The following PMPCB variants were observed in gnomAD, a reference collection of about 807,000 sequenced individuals.
PMPCB encodes peptidase, mitochondrial processing subunit beta.
PMPCB carries 46 observed loss-of-function variants against 61.5 expected under a neutral mutation model. The observed-to-expected ratio is 0.75, with a 90% CI of 0.59 to 0.96. The LOEUF (loss-of-function observed/expected upper bound fraction) is 0.96, where lower values mean the gene tolerates loss of function less well. Among genes scored for constraint, PMPCB ranks in the 40% least tolerant of loss-of-function variants. The pLI is 0.00. For missense variants in PMPCB, 590 were observed against 602.4 expected (o/e 0.98, Z 0.22); for synonymous variants, 191 against 201.6 (o/e 0.95, Z 0.44).
downstream of PMPCB, among the ~76,000 whole-genome samples, chr7:103,330,680 G>C (rs1225493339): frequency 6.6e-6 from 1 of 151,506 alleles, no homozygotes; most frequent in Non-Finnish European, 1.5e-5. Context: ...TCGAACTCCT[G>C]ACCTCGTGAT....
At chr7:103,298,080 C>G (rs1237722687) in intron 1 of PMPCB, 1 of 395,332 alleles carries the variant, frequency 2.5e-6, no homozygotes, top group African/African-American at 2.2e-5. Flanking sequence ...GGCCGAAAAG[C>G]CAGTCATTTG....
intron 10 of PMPCB, 38 bp downstream of exon 10, chr7:103,311,766 G>C (rs1817761120): frequency 1.9e-6 from 3 of 1,599,328 alleles, no homozygotes; most frequent in Non-Finnish European, 2.6e-6. Context: ...TCATATGGTT[G>C]ATCTGTATTC....
In PMPCB at chr7:103,311,719, C is replaced by T; in HGVS notation, c.1231C>T (p.Gln411Ter). The change falls in exon 10 of 13, where the codon CAG becomes TAG. Residue 411 changes from glutamine (Q) to a stop codon, truncating the protein, a stop_gained. Transcript: ENST00000249269. LOFTEE classifies it high-confidence loss of function. ...TCTTCTGAAAACAAACATGTTGTTG[C>T]AGCTTGATGGTAAAAATAAAGATAT... ...RNLLKTNMLL[Q>*]LDGSTPICED... 2 of 1,613,182 alleles carry T rather than the reference C, an allele frequency of 1.2e-6. No individual in the cohort carries two copies. Among genetic ancestry groups the T allele is most frequent in the South Asian group, 2.2e-5 (2 of 91,058 alleles).
At chr7:103,318,918 C>T (rs1285753083), downstream of PMPCB, among the ~76,000 whole-genome samples, 1 of 152,186 alleles carries the variant, frequency 6.6e-6, no homozygotes, top group Non-Finnish European at 1.5e-5. Flanking sequence ...CAGCACCTTA[C>T]TACATAAACA....
downstream of PMPCB, chr7:103,319,579 A>G (rs955926545): frequency 8.7e-6 from 14 of 1,605,908 alleles, no homozygotes; most frequent in Admixed American, 3.3e-5. Flanking sequence ...AATGCTACAT[A>G]TAGGTAGGAG....
At chr7:103,322,134 T>G in intron 12 of PMPCB, 1 of 1,320,358 alleles carries the variant, frequency 7.6e-7, no homozygotes. Context: ...AATTCCTAAA[T>G]GTTTTATAAT....
rs756110770 is a variant in PMPCB at position 103,307,658 on chromosome 7, C to T, written c.799C>T (p.His267Tyr). 2 of 1,613,654 alleles carry T rather than the reference C, an allele frequency of 1.2e-6. No homozygotes were observed. Among genetic ancestry groups the T allele is most frequent in the Non-Finnish European group, 1.7e-6 (2 of 1,179,568 alleles). Reference protein sequence around the residue: ...KFHFGDSLCTHKGEIPALPPC... With the variant: ...KFHFGDSLCTYKGEIPALPPC... ...TCATTTCGGTGACTCTTTATGCACA[C>T]ACAAAGGAGAAATACCAGCTCTGCC... Residue 267 changes from histidine (H) to tyrosine (Y), a missense_variant, in exon 7 of 13, where the codon CAC (histidine) becomes TAC (tyrosine). By Grantham distance (83) the His-to-Tyr change is moderately conservative. Coordinates refer to ENST00000249269, the MANE Select transcript of PMPCB (RefSeq NM_004279.3).
At chr7:103,333,083 A>G (rs1267645970), downstream of PMPCB, among the ~76,000 whole-genome samples, 1 of 151,046 alleles carries the variant, frequency 6.6e-6, no homozygotes, top group Non-Finnish European at 1.5e-5. Context: ...TCCAGTGAAC[A>G]TTTCCTTTGA....
chr7:103,308,292 T>A (rs1817641076), intron 7 of PMPCB, among the ~76,000 whole-genome samples: 1 of 152,196 alleles, frequency 6.6e-6, no homozygotes, highest in Admixed American at 6.5e-5. Context: ...AGTACAAAAA[T>A]AAACCTGTAA....
rs770460767 is a variant in PMPCB at position 103,312,059 on chromosome 7, G to A, written c.1333G>A (p.Val445Met). ...GACAGTGTCTTCCATATTTCAGGCT[G>A]TGAATGCTGAGACAATTCGAGAAGT... ...IPELEARIDAVNAETIREVCT... is the reference protein window; with the variant it reads ...IPELEARIDAMNAETIREVCT... The change falls in exon 12 of 13, where the codon GTG becomes ATG. Residue 445 changes from valine to methionine, a missense_variant. Coordinates refer to ENST00000249269, the MANE Select transcript of PMPCB (RefSeq NM_004279.3). 6 of 1,613,326 alleles carry A rather than the reference G, an allele frequency of 3.7e-6. No individual in the cohort carries two copies. In the South Asian group the frequency reaches 6.6e-5, roughly 18 times the overall value.
At chr7:103,343,317 A>C in the PMPCB span, among the ~76,000 whole-genome samples, 1 of 152,244 alleles carries the variant, frequency 6.6e-6, no homozygotes, top group African/African-American at 2.4e-5. Flanking sequence ...AACTGTCTTA[A>C]TTATTAAAAT....
downstream of PMPCB, chr7:103,317,420 T>C (rs1358548458): frequency 1.9e-5 from 3 of 161,664 alleles, no homozygotes; most frequent in Admixed American, 6.4e-5. Flanking sequence ...AATGGCCTCT[T>C]TTATTTTGAA....
At chr7:103,307,769 T>C in intron 7 of PMPCB, 61 bp downstream of exon 7, 5 of 887,760 alleles carry the variant, frequency 5.6e-6, no homozygotes, top group Non-Finnish European at 9.4e-6. Flanking sequence ...TATTTACACA[T>C]AAGTAAACAA....
Position 103,314,563 on chromosome 7 carries a change from T to G in PMPCB, c.*2292T>G, listed in dbSNP as rs1380349067. 3 of 985,334 alleles carry G rather than the reference T, an allele frequency of 3.0e-6. No individual in the cohort carries two copies. In the African/African-American group the frequency reaches 5.2e-5, roughly 17 times the overall value. The allele number at this position is 985,334 out of a possible 1,614,324, so 61.0% of individuals were successfully genotyped here. On this transcript the variant is annotated 3_prime_UTR_variant, in exon 13 of 13. Transcript: ENST00000249269. ...CTGAGACTAGTGTGCTAATACCTGT[T>G]GTATTTTGTGGAGATAAAGGTGCAG...
chr7:103,329,104 ATCCTT>A, exon 13 of PMPCB: 1 of 608,258 alleles, frequency 1.6e-6, no homozygotes, highest in South Asian at 1.9e-5. Context: ...TTTGTTTTTC[ATCCTT>A]TAACTGGAAA....
rs1223186620 is a variant in PMPCB, at chr7:103,326,416, G to A, written c.*1432-2515G>A. 4 of 905,268 alleles carry A rather than the reference G, an allele frequency of 4.4e-6. No individual in the cohort carries two copies. The East Asian group carries it at 1.0e-4, about 24-fold the overall frequency. The allele number at this position is 905,268 out of a possible 1,614,324, so 56.1% of individuals were successfully genotyped here. A position where few individuals can be genotyped will look rare whatever the true frequency, so the allele number is the denominator to read the frequency against. On this transcript the variant is annotated intron_variant and NMD_transcript_variant, in intron 12 of 12. Coordinates refer to the PMPCB transcript ENST00000444457. Reference sequence around the variant, plus strand: ...GCTGAATATTGCAGAGAAGGAGGAGGAGGAGGAAGAGACAGTGGAAATAAT... The same window carrying A: ...GCTGAATATTGCAGAGAAGGAGGAGAAGGAGGAAGAGACAGTGGAAATAAT...
At chr7:103,334,821 C>T in the PMPCB span, among the ~76,000 whole-genome samples, 2 of 152,014 alleles carry the variant, frequency 1.3e-5, no homozygotes, top group Non-Finnish European at 2.9e-5. Context: ...GAAACAGTGA[C>T]AAATATTTTT....
the PMPCB span, chr7:103,342,060 A>C: frequency 1.2e-6 from 1 of 841,768 alleles, no homozygotes; most frequent in African/African-American, 1.7e-5. Context: ...TGATACCAGC[A>C]TATACTTTTA....
At chr7:103,300,906 A>C (rs1189978008) in intron 4 of PMPCB, among the ~76,000 whole-genome samples, 1 of 151,698 alleles carries the variant, frequency 6.6e-6, no homozygotes, top group Admixed American at 6.6e-5. Flanking sequence ...CTGGACTTAA[A>C]CTCCTGACCT....
Sources: gnomAD v4.1 joint callset for allele counts (sites outside exome capture counted in the v4.1 genomes callset) on GRCh38, gnomAD v4.1.1 for gene constraint, MANE v1.5 for transcripts, NCBI Gene and HGNC (gene_info 2026-07-23, HGNC 2026-07-21) for gene names.